The following CHST11 variants were observed in gnomAD, a reference collection of about 807,000 sequenced individuals.
CHST11 encodes the protein carbohydrate sulfotransferase 11.
CHST11 carries 9 observed loss-of-function variants against 30.4 expected under a neutral mutation model. The ratio of observed to expected loss-of-function variants is 0.30; its 90% confidence interval spans 0.18 to 0.52. The LOEUF (loss-of-function observed/expected upper bound fraction) is 0.52. CHST11 is among the 20% of genes least tolerant of loss of function. The pLI is 0.97. For synonymous variants in CHST11, 152 were observed against 187.8 expected, an observed-to-expected ratio of 0.81 and a Z score of 1.56; for missense variants, 348 against 460.6, an observed-to-expected ratio of 0.76 and a Z score of 2.24.
At chr12:104,650,413 A>G (rs551538259) in intron 2 of CHST11, among the ~76,000 whole-genome samples, 3 of 152,300 alleles carry the variant, frequency 2.0e-5, no homozygotes, top group Non-Finnish European at 2.9e-5. Context: ...TTATCTGTTT[A>G]TACCTCAGAA....
At chr12:104,559,392 T>C (rs2038490971) in intron 1 of CHST11, among the ~76,000 whole-genome samples, 1 of 152,184 alleles carries the variant, frequency 6.6e-6, no homozygotes, top group East Asian at 1.9e-4. Context: ...GGCATTAAAG[T>C]AAACAAAGTC....
At chr12:104,527,101 G>A (rs928962354) in intron 1 of CHST11, among the ~76,000 whole-genome samples, 1 of 152,140 alleles carries the variant, frequency 6.6e-6, no homozygotes, top group African/African-American at 2.4e-5. Context: ...AACCCCCAAT[G>A]CCTCAGAATG....
chr12:104,592,019 G>A (rs982860019), intron 1 of CHST11, among the ~76,000 whole-genome samples: 12 of 151,848 alleles, frequency 7.9e-5, no homozygotes, highest in African/African-American at 2.7e-4. Context: ...TATCCTGCAC[G>A]TCCATTTCTT....
chr12:104,501,031 C>T (rs1370280654), intron 1 of CHST11, among the ~76,000 whole-genome samples: 1 of 152,148 alleles, frequency 6.6e-6, no homozygotes, highest in South Asian at 2.1e-4. Flanking sequence ...GCAAACAGCA[C>T]CTGCTGTTCA....
intron 2 of CHST11, among the ~76,000 whole-genome samples, chr12:104,705,841 G>C (rs1177613694): frequency 6.6e-6 from 1 of 151,714 alleles, no homozygotes; most frequent in African/African-American, 2.4e-5. Flanking sequence ...AATTGCCTGA[G>C]CCTGGGAGGC....
intron 2 of CHST11, among the ~76,000 whole-genome samples, chr12:104,748,376 C>G (rs1448084776): frequency 2.6e-5 from 4 of 152,148 alleles, no homozygotes; most frequent in Non-Finnish European, 5.9e-5. Flanking sequence ...CAAATTCATA[C>G]GTTGAATTCT....
rs75279954 is a variant in CHST11, at chr12:104,592,524, C to T, written c.119-9382C>T. 8.4e-3 allele frequency among the ~76,000 whole-genome samples: 1,282 copies of T among 152,244 alleles called. 22 individuals are homozygous for T. Among genetic ancestry groups the T allele is most frequent in the African/African-American group, 0.029 (1,216 of 41,542 alleles). On this transcript the variant is annotated intron_variant, in intron 1 of 2. Coordinates refer to ENST00000303694, the MANE Select transcript of CHST11 (RefSeq NM_018413.6). ...GAGGGCTCTACCCCCATGACCAAAT[C>T]ACCTTCCAAAGTCCCCACCCTCTAA...
At chr12:104,509,984 C>T (rs1043795359) in intron 1 of CHST11, among the ~76,000 whole-genome samples, 6 of 152,202 alleles carry the variant, frequency 3.9e-5, no homozygotes, top group South Asian at 2.1e-4. Flanking sequence ...AATCTTCCAT[C>T]TTTAACACAG....
At chr12:104,715,605 C>T (rs2040124449) in intron 2 of CHST11, among the ~76,000 whole-genome samples, 1 of 152,134 alleles carries the variant, frequency 6.6e-6, no homozygotes. Flanking sequence ...TTGTAGGTCA[C>T]CCAGCTAGAG....
At chr12:104,595,158 C>T (rs1240398664) in intron 1 of CHST11, among the ~76,000 whole-genome samples, 3 of 152,128 alleles carry the variant, frequency 2.0e-5, no homozygotes, top group Non-Finnish European at 4.4e-5. Context: ...GTCCTAAAAG[C>T]TACCCCTGTG....
At chr12:104,735,400 A>G (rs2040292049) in intron 2 of CHST11, among the ~76,000 whole-genome samples, 1 of 152,178 alleles carries the variant, frequency 6.6e-6, no homozygotes, top group African/African-American at 2.4e-5. Context: ...TGTGAATGAT[A>G]ACAGCAATAA....
intron 2 of CHST11, among the ~76,000 whole-genome samples, chr12:104,652,398 C>G (rs1410085196): frequency 6.6e-6 from 1 of 151,536 alleles, no homozygotes; most frequent in African/African-American, 2.4e-5. Context: ...TGTCCCAGGT[C>G]CTGAGTGGCT....
Position 104,761,684 on chromosome 12 carries a change from C to T in CHST11, c.*3881C>T, listed in dbSNP as rs1031974543. ...AAGGCCTTCTAGAATCCGCTTAACC[C>T]TTGGCTGATAACAGGCAAATTTCAG... On this transcript the variant is annotated 3_prime_UTR_variant, in exon 3 of 3. Transcript: ENST00000303694. 1 of 152,242 alleles carries T rather than the reference C, an allele frequency of 6.6e-6. No homozygotes were observed. The highest frequency in any genetic ancestry group is 2.4e-5 in the African/African-American group (1 of 41,460). 9.4% of individuals were successfully genotyped at this position (152,242 alleles called of 1,614,324 possible). A position where few individuals can be genotyped will look rare whatever the true frequency, so the allele number is the denominator to read the frequency against.
chr12:104,690,820 C>G (rs1476858728), intron 2 of CHST11, among the ~76,000 whole-genome samples: 1 of 151,842 alleles, frequency 6.6e-6, no homozygotes, highest in Non-Finnish European at 1.5e-5. Flanking sequence ...AGAGTGAGAC[C>G]CTGTCTCCAA....
chr12:104,735,025 T>C lies in CHST11; in HGVS notation c.205-21924T>C, dbSNP rs143372292. Among the ~76,000 whole-genome samples, 485 of 152,312 alleles carry C rather than the reference T, an allele frequency of 3.2e-3. 1 individual carries two copies. The highest frequency in any genetic ancestry group is 4.8e-3 in the Non-Finnish European group (324 of 68,006). ...GCAAACATTTTTTGAGCTCCTGCTC[T>C]GGGGGCAGGCATGGTGCTCAACACA... On this transcript the variant is annotated intron_variant, in intron 2 of 2. Transcript: ENST00000303694.
intron 1 of CHST11, among the ~76,000 whole-genome samples, chr12:104,513,525 C>T (rs1027936302): frequency 3.9e-5 from 6 of 152,178 alleles, no homozygotes; most frequent in African/African-American, 9.7e-5. Flanking sequence ...TTAAGATTCT[C>T]GTTTGCAATC....
chr12:104,724,535 C>A (rs115582661), intron 2 of CHST11, among the ~76,000 whole-genome samples: 4,884 of 152,050 alleles, frequency 0.032, 175 homozygotes, highest in African/African-American at 0.089. Flanking sequence ...CTAGGGAGCT[C>A]TTGCCATGTG....
chr12:104,667,268 G>T (rs1347444421), intron 2 of CHST11, among the ~76,000 whole-genome samples: 1 of 152,120 alleles, frequency 6.6e-6, no homozygotes, highest in Non-Finnish European at 1.5e-5. Context: ...GCACCACGGA[G>T]ACCTACAGGT....
chr12:104,605,930 CACA>C, intron 2 of CHST11, among the ~76,000 whole-genome samples: 1 of 152,296 alleles, frequency 6.6e-6, no homozygotes, highest in Middle Eastern at 3.4e-3. Context: ...CTGAAATCTT[CACA>C]ACATCATCAT....
Sources: gnomAD v4.1 joint callset for allele counts (sites outside exome capture counted in the v4.1 genomes callset) on GRCh38, gnomAD v4.1.1 for gene constraint, MANE v1.5 for transcripts, NCBI Gene and HGNC (gene_info 2026-07-23, HGNC 2026-07-21) for gene names.